RNF213: variants seen among roughly 807,000 people sequenced by gnomAD.
RNF213 encodes the protein E3 ubiquitin-protein ligase RNF213.
RNF213 carries 341 observed loss-of-function variants against 514.4 expected under a neutral mutation model. That is an observed-to-expected ratio of 0.66 (90% CI 0.61 to 0.73). RNF213 has a LOEUF of 0.73. Among genes scored for constraint, RNF213 ranks in the 30% least tolerant of loss-of-function variants. RNF213 has a pLI of 0.00. For missense variants in RNF213, 5,767 were observed against 6,615.6 expected (o/e 0.87, Z 4.45); for synonymous variants, 2,655 against 2,658.2 (o/e 1.00, Z 0.04).
chr17:80,376,122 T>C (rs566776978), intron 51 of RNF213, among the ~76,000 whole-genome samples, 179 bp from the exon 52 acceptor site: 13 of 152,324 alleles, frequency 8.5e-5, no homozygotes, highest in Admixed American at 3.9e-4. Context: ...TGCTTACGTA[T>C]GTGGATGCTG....
chr17:80,374,321 C>G (rs2079652581), intron 49 of RNF213, 137 bp from the exon 50 acceptor site: 1 of 1,112,964 alleles, frequency 9.0e-7, no homozygotes, highest in South Asian at 1.3e-5. Flanking sequence ...TGTCCTGCCT[C>G]AGGCCAGGTC....
At position 80,317,147 on chromosome 17, in the gene RNF213, T is replaced by C. The variant is rs1020553598; in HGVS notation, c.2812-41T>C. 6.3e-7 allele frequency: 1 copy of C among 1,592,852 alleles called. No homozygotes were observed. The highest frequency in any genetic ancestry group is 8.6e-7 in the Non-Finnish European group (1 of 1,167,014). ...TTTCATGGGAGTGTGCCGTGGCATTTAGTCGTGAGAGTGGGTGTGACCTGT... is the reference window on the plus strand; with the variant it reads ...TTTCATGGGAGTGTGCCGTGGCATTCAGTCGTGAGAGTGGGTGTGACCTGT... On this transcript the variant is annotated intron_variant, in intron 15 of 67. Coordinates refer to ENST00000582970, the MANE Select transcript of RNF213 (RefSeq NM_001256071.3). This position sits in a 1 kb window ranked among gnomAD's most constrained non-coding sequence, Gnocchi z 4.1.
chr17:80,268,690 A>C (rs999701451), intron 2 of RNF213, among the ~76,000 whole-genome samples: 1 of 152,068 alleles, frequency 6.6e-6, no homozygotes, highest in Admixed American at 6.6e-5. Context: ...CCATCCATCC[A>C]TTCATCCATG....
intron 22 of RNF213, among the ~76,000 whole-genome samples, chr17:80,334,868 A>G (rs1382166903): frequency 6.7e-6 from 1 of 148,710 alleles, no homozygotes; most frequent in Non-Finnish European, 1.5e-5. Context: ...CCTCGTGATC[A>G]GCCCGTCTTG....
chr17:80,307,134 C>A lies in RNF213; in HGVS notation c.2434C>A (p.Gln812Lys). Reference protein sequence around the residue: ...LEQVLNTQDVQDVQNVQNILE... With the variant: ...LEQVLNTQDVKDVQNVQNILE... ...CTTTTTTTCTCTGCCTTAGGATGTT[C>A]AGGATGTTCAGAACGTTCAGAACAT... is the stretch of plus-strand genomic sequence containing the variant. The change falls in exon 13 of 68, where the codon CAG (glutamine) becomes AAG (lysine). Residue 812 changes from glutamine (Q) to lysine (K), a missense_variant. By Grantham distance (53) the Gln-to-Lys change is moderately conservative. Coordinates refer to ENST00000582970, the MANE Select transcript of RNF213 (RefSeq NM_001256071.3). 3 of 1,612,170 alleles carry A rather than the reference C, an allele frequency of 1.9e-6. No individual in the cohort carries two copies. The highest frequency in any genetic ancestry group is 2.5e-6 in the Non-Finnish European group (3 of 1,179,436).
In RNF213 at chr17:80,383,672, T is replaced by A; in HGVS notation, c.14071-5T>A. The A allele has an allele frequency of 6.2e-7, 1 of 1,613,918 alleles. No homozygotes were observed. Among genetic ancestry groups the A allele is most frequent in the African/African-American group, 1.3e-5 (1 of 74,984 alleles). ...AGAATTTTTTTTTTCATTTTCTCCA[T>A]CCAGCATCTAGATAAAACCCTTCCC... On this transcript the variant is annotated splice_region_variant and splice_polypyrimidine_tract_variant and intron_variant, in intron 58 of 67. Coordinates refer to ENST00000582970, the MANE Select transcript of RNF213 (RefSeq NM_001256071.3).
In RNF213 at chr17:80,369,796, T is replaced by A. The variant is rs749145182; in HGVS notation, c.12354T>A (p.Ser4118=). The change falls in exon 46 of 68, where the codon TCT becomes TCA. Residue 4118 remains serine, a synonymous_variant. Coordinates refer to ENST00000582970, the MANE Select transcript of RNF213 (RefSeq NM_001256071.3). ...QRHCEHTKSL[S]PFNDVVDKTP... is the part of the protein sequence containing the mutation. ...ACTGTGAACACACAAAATCTCTCTC[T>A]CCATTCAATGATGTTGTGGATAAGA... The A allele has an allele frequency of 6.2e-6, 10 of 1,614,026 alleles. No homozygotes were observed. The East Asian group carries it at 2.0e-4, about 32-fold the overall frequency.
intron 15 of RNF213, among the ~76,000 whole-genome samples, chr17:80,313,746 C>G (rs59917309): frequency 1.5e-4 from 10 of 65,630 alleles, no homozygotes; most frequent in East Asian, 1.4e-3. Context: ...AATGGTGATG[C>G]TGGTGGTGGA....
rs1476291090 is a variant in RNF213, at chr17:80,350,414, T to C, written c.10184+18T>C. On this transcript the variant is annotated intron_variant, in intron 31 of 67. Transcript: ENST00000582970. Reference sequence around the variant, plus strand: ...TCAGCTAAGTATGTTTTTAGTATTTTTCTCAGAAACTATGTAAAAAACCCA... The same window carrying C: ...TCAGCTAAGTATGTTTTTAGTATTTCTCTCAGAAACTATGTAAAAAACCCA... 6.4e-7 allele frequency: 1 copy of C among 1,551,684 alleles called. No homozygotes were observed. The highest frequency in any genetic ancestry group is 1.1e-5 in the South Asian group (1 of 89,710).
In RNF213 at chr17:80,265,044, G is replaced by GTTTTT. The variant is rs55814957; in HGVS notation, c.97+1279_97+1283dup. 9.0e-5 allele frequency among the ~76,000 whole-genome samples: 10 copies of GTTTTT among 110,858 alleles called. No homozygotes were observed. In the South Asian group the frequency reaches 1.1e-3, roughly 12 times the overall value. 72.7% of individuals were successfully genotyped at this position (110,858 alleles called of 152,430 possible). A position where few individuals can be genotyped will look rare whatever the true frequency, so the allele number is the denominator to read the frequency against. Reference sequence around the variant, plus strand: ...AGCCCCAGTCCTTCCATGTTTGTTTGTTTTTTTTTTTTTTTTTAGAGGGAG... The same window carrying GTTTTT: ...AGCCCCAGTCCTTCCATGTTTGTTTGTTTTTTTTTTTTTTTTTTTTTTAGAGGGAG... On this transcript the variant is annotated intron_variant, in intron 2 of 67. Transcript: ENST00000582970.
At chr17:80,378,442 G>GTAGT (rs988126803) in intron 54 of RNF213, among the ~76,000 whole-genome samples, 3 of 152,180 alleles carry the variant, frequency 2.0e-5, no homozygotes, top group African/African-American at 7.2e-5. Flanking sequence ...CTGACACGTG[G>GTAGT]TAGTTAGTTA....
At chr17:80,328,543 A>G (rs2046336620) in intron 20 of RNF213, 66 bp downstream of exon 20, 13 of 1,490,070 alleles carry the variant, frequency 8.7e-6, no homozygotes, top group Non-Finnish European at 1.2e-5. Context: ...CACAGTAAGA[A>G]TGGATCACAG....
Position 80,313,182 on chromosome 17 carries a change from G to T in RNF213, c.2811+15G>T. 6.2e-7 allele frequency: 1 copy of T among 1,613,938 alleles called. No individual in the cohort carries two copies. The highest frequency in any genetic ancestry group is 1.1e-5 in the South Asian group (1 of 91,076). ...AGGAAATTGAGGTAGGCATTTGGCC[G>T]AAGGCTTCTGGGTAGGGATGTGACT... On this transcript the variant is annotated intron_variant, in intron 15 of 67. Coordinates refer to ENST00000582970, the MANE Select transcript of RNF213 (RefSeq NM_001256071.3).
intron 6 of RNF213, 96 bp downstream of exon 6, chr17:80,289,933 T>A (rs2044630704): frequency 7.4e-7 from 1 of 1,346,506 alleles, no homozygotes; most frequent in Admixed American, 2.0e-5. Context: ...CAGGCTGCCC[T>A]TCTAGTCAGC....
At chr17:80,342,355 C>T (rs962445911) in intron 26 of RNF213, among the ~76,000 whole-genome samples, 4 of 152,048 alleles carry the variant, frequency 2.6e-5, no homozygotes, top group Admixed American at 6.6e-5. Context: ...TGCTGTCCTG[C>T]GGAGGCAGGA....
rs2080108461 is a variant in RNF213, at chr17:80,383,559, A to G, written c.14071-118A>G. The stretch of plus-strand genomic sequence containing the variant: ...AAAGGGAATACCTGATTACATGCTC[A>G]GAGCAGGGGACAAACGCCCTAATAT... On this transcript the variant is annotated intron_variant, in intron 58 of 67. Transcript: ENST00000582970. 4.9e-6 allele frequency: 5 copies of G among 1,015,248 alleles called. No homozygotes were observed. In the South Asian group the frequency reaches 6.5e-5, roughly 13 times the overall value. The allele number at this position is 1,015,248 out of a possible 1,614,324, so 62.9% of individuals were successfully genotyped here.
At chr17:80,350,595 A>G (rs1415297280) in intron 31 of RNF213, among the ~76,000 whole-genome samples, 199 bp downstream of exon 31, 2 of 152,236 alleles carry the variant, frequency 1.3e-5, no homozygotes, top group Non-Finnish European at 2.9e-5. Context: ...TAACATTACA[A>G]AAATAGTGGA....
intron 42 of RNF213, chr17:80,364,827 CT>C: frequency 4.6e-6 from 2 of 434,672 alleles, no homozygotes; most frequent in African/African-American, 2.0e-5. Context: ...AGGGAACATG[CT>C]TGTGAAACCT....
intron 35 of RNF213, 40 bp downstream of exon 35, chr17:80,354,206 G>A (rs1195779261): frequency 1.9e-6 from 3 of 1,607,630 alleles, no homozygotes; most frequent in Non-Finnish European, 2.5e-6. Context: ...GCCCCCACGT[G>A]GGCTCTTCCT....
Sources: allele counts gnomAD v4.1 joint callset (sites outside exome capture counted in the v4.1 genomes callset), GRCh38; gene constraint gnomAD v4.1.1; non-coding constraint Gnocchi (gnomAD v3.1); transcripts MANE v1.5; gene names NCBI Gene and HGNC (gene_info 2026-07-23, HGNC 2026-07-21).